Variants in RNF2 observed in about 807,000 individuals in gnomAD.
The protein encoded by RNF2 is E3 ubiquitin-protein ligase RING2.
Under a neutral mutation model 37.2 loss-of-function variants are expected in RNF2, and 6 were observed. The ratio of observed to expected loss-of-function variants is 0.16; its 90% CI spans 0.09 to 0.32. The LOEUF is 0.32. RNF2 is among the 10% of genes least tolerant of loss of function. The pLI is 1.00. For missense variants in RNF2, 251 were observed against 404.0 expected (o/e 0.62, Z 3.25); for synonymous variants, 133 against 132.7 (o/e 1.00, Z -0.02).
At position 185,098,441 on chromosome 1, in the gene RNF2, A is replaced by G; in HGVS notation, c.737+97A>G. The G allele has an allele frequency of 2.9e-6, 4 of 1,377,022 alleles. 1 individual carries two copies. The South Asian group carries it at 5.4e-5, about 18-fold the overall frequency. The allele number at this position is 1,377,022 out of a possible 1,614,324, so 85.3% of individuals were successfully genotyped here. On this transcript the variant is annotated intron_variant, in intron 5 of 6. Coordinates refer to ENST00000367510, the MANE Select transcript of RNF2 (RefSeq NM_007212.4). The stretch of plus-strand genomic sequence containing the variant: ...ATAAGAAGTAGGAGCAATATTTGTC[A>G]TCCCATTGATTGCAGGGGTTCAGTT...
chr1:185,062,567 G>A (rs535444224), intron 1 of RNF2, among the ~76,000 whole-genome samples: 12 of 152,196 alleles, frequency 7.9e-5, no homozygotes, highest in Admixed American at 7.2e-4. Context: ...GAAAGTATAG[G>A]TGGTTGTTTT....
chr1:185,081,474 A>G (rs1571315754), intron 1 of RNF2, among the ~76,000 whole-genome samples: 1 of 150,882 alleles, frequency 6.6e-6, no homozygotes, highest in Non-Finnish European at 1.5e-5. Flanking sequence ...GCTCACTGCA[A>G]CGTCTGCCTC....
chr1:185,086,975 T>A (rs1157507135), intron 1 of RNF2, among the ~76,000 whole-genome samples: 1 of 152,230 alleles, frequency 6.6e-6, no homozygotes, highest in Non-Finnish European at 1.5e-5. Context: ...AAGTACTTCC[T>A]GTATGCCAGC....
chr1:185,047,324 C>T (rs905372476), intron 1 of RNF2, among the ~76,000 whole-genome samples: 1 of 152,348 alleles, frequency 6.6e-6, no homozygotes, highest in African/African-American at 2.4e-5. Flanking sequence ...GTTACAATCA[C>T]TAACATAATG....
intron 1 of RNF2, among the ~76,000 whole-genome samples, chr1:185,063,632 T>TA (rs1650677434): frequency 2.6e-5 from 4 of 152,212 alleles, no homozygotes; most frequent in Non-Finnish European, 4.4e-5. Context: ...AACACAAACT[T>TA]ACTATTTTAC....
chr1:185,082,980 G>A (rs1212570521), intron 1 of RNF2, among the ~76,000 whole-genome samples: 3 of 152,140 alleles, frequency 2.0e-5, no homozygotes, highest in Non-Finnish European at 4.4e-5. Context: ...CAATTAATTT[G>A]CACTAACCTA....
intron 5 of RNF2, among the ~76,000 whole-genome samples, chr1:185,099,584 G>A (rs866586751): frequency 3.9e-5 from 6 of 152,056 alleles, no homozygotes; most frequent in African/African-American, 1.2e-4. Flanking sequence ...CTGACAGTAA[G>A]ATATTGAGTA....
intron 1 of RNF2, among the ~76,000 whole-genome samples, chr1:185,073,096 A>G (rs1209137840): frequency 6.8e-6 from 1 of 148,050 alleles, no homozygotes; most frequent in Non-Finnish European, 1.5e-5. Flanking sequence ...TGTTGTATAC[A>G]TATATTGAGT....
rs768356678 is a variant in RNF2 at position 185,101,832 on chromosome 1, GTTTTTTTTTTT to G, written c.*1543_*1553del. 1.0e-5 allele frequency: 1 copy of G among 97,878 alleles called. No homozygotes were observed. The highest frequency in any genetic ancestry group is 3.6e-4 in the South Asian group (1 of 2,756). 6.1% of individuals were successfully genotyped at this position (97,878 alleles called of 1,614,324 possible). On this transcript the variant is annotated 3_prime_UTR_variant, in exon 7 of 7. Coordinates refer to ENST00000367510, the MANE Select transcript of RNF2 (RefSeq NM_007212.4). ...AATATTTAAAATCTGTTTTTACAGGGTTTTTTTTTTTTTTTTTTTTTTGTAATCTGTGCCAT... is the reference window on the plus strand; with the variant it reads ...AATATTTAAAATCTGTTTTTACAGGGTTTTTTTTTTTGTAATCTGTGCCAT...
chr1:185,053,420 C>T (rs574705810), intron 1 of RNF2, among the ~76,000 whole-genome samples: 25 of 152,020 alleles, frequency 1.6e-4, no homozygotes, highest in African/African-American at 6.0e-4. Flanking sequence ...ACTGCAGTCT[C>T]CAACTTTGGG....
intron 1 of RNF2, among the ~76,000 whole-genome samples, chr1:185,079,394 G>A (rs961863707): frequency 1.3e-5 from 2 of 152,070 alleles, no homozygotes; most frequent in Non-Finnish European, 2.9e-5. Context: ...ATCAAACTTG[G>A]AAATAGGTCA....
intron 1 of RNF2, among the ~76,000 whole-genome samples, chr1:185,055,587 G>A (rs1465527309): frequency 6.6e-6 from 1 of 152,088 alleles, no homozygotes; most frequent in African/African-American, 2.4e-5. Flanking sequence ...GCTAATTTTT[G>A]TATTTTGAGT....
rs1205474296 is a variant in RNF2 at position 185,100,315 on chromosome 1, A to G, written c.*14A>G. On this transcript the variant is annotated 3_prime_UTR_variant, in exon 7 of 7. Transcript: ENST00000367510. The stretch of plus-strand genomic sequence containing the variant: ...GAGCACAAATGAGCCTTTAAAAACC[A>G]ATTCTGAGACTGAACTTTTTTATAG... 3 of 1,570,142 alleles carry G rather than the reference A, an allele frequency of 1.9e-6. No individual in the cohort carries two copies. Among genetic ancestry groups the G allele is most frequent in the Non-Finnish European group, 2.6e-6 (3 of 1,155,318 alleles).
At chr1:185,082,839 T>C (rs1002071628) in intron 1 of RNF2, among the ~76,000 whole-genome samples, 1 of 152,176 alleles carries the variant, frequency 6.6e-6, no homozygotes, top group Non-Finnish European at 1.5e-5. Flanking sequence ...AAACATAAAA[T>C]GAACAGCAAG....
chr1:185,080,703 C>T (rs902396924), intron 1 of RNF2, among the ~76,000 whole-genome samples: 8 of 152,114 alleles, frequency 5.3e-5, no homozygotes, highest in Non-Finnish European at 1.0e-4. Flanking sequence ...CCAAATGGTA[C>T]CAGGAAATTC....
intron 1 of RNF2, among the ~76,000 whole-genome samples, chr1:185,079,895 A>G (rs1209422329): frequency 2.6e-5 from 4 of 151,600 alleles, no homozygotes; most frequent in South Asian, 4.2e-4. Context: ...GCGCCACTGC[A>G]CTCTAGCCTG....
At chr1:185,054,521 C>G (rs1315685931) in intron 1 of RNF2, among the ~76,000 whole-genome samples, 1 of 152,024 alleles carries the variant, frequency 6.6e-6, no homozygotes, top group Non-Finnish European at 1.5e-5. Context: ...GACGCCGGCT[C>G]TTCTCCATTA....
chr1:185,080,597 C>CT (rs1393560262), intron 1 of RNF2, among the ~76,000 whole-genome samples: 2 of 152,150 alleles, frequency 1.3e-5, no homozygotes, highest in Admixed American at 1.3e-4. Context: ...GTATTTAAGA[C>CT]TGTAGATACC....
At chr1:185,079,827 G>A (rs991469411) in intron 1 of RNF2, among the ~76,000 whole-genome samples, 5 of 152,198 alleles carry the variant, frequency 3.3e-5, no homozygotes, top group African/African-American at 1.2e-4. Context: ...CTACTCAGGA[G>A]GCTGAGGCAG....
Sources: gnomAD v4.1 joint callset for allele counts (sites outside exome capture counted in the v4.1 genomes callset) on GRCh38, gnomAD v4.1.1 for gene constraint, MANE v1.5 for transcripts, NCBI Gene and HGNC (gene_info 2026-07-23, HGNC 2026-07-21) for gene names.